COL25A1: variants seen among roughly 807,000 people sequenced by gnomAD.
The protein encoded by COL25A1 is collagen alpha-1(XXV) chain.
Under a neutral mutation model 128.4 loss-of-function variants are expected in COL25A1, and 103 were observed. The ratio of observed to expected loss-of-function variants is 0.80; its 90% CI spans 0.68 to 0.94. The LOEUF is 0.94. Among genes scored for constraint, COL25A1 ranks in the 40% least tolerant of loss-of-function variants. The pLI is 0.00. For synonymous variants in COL25A1, 279 were observed against 277.2 expected (o/e 1.01, Z -0.06); for missense variants, 745 against 840.0 (o/e 0.89, Z 1.40).
intron 5 of COL25A1, among the ~76,000 whole-genome samples, chr4:109,040,565 T>A (rs1376349174): frequency 6.6e-6 from 1 of 152,220 alleles, no homozygotes; most frequent in African/African-American, 2.4e-5. Flanking sequence ...AGTTATTGCC[T>A]CACAAACCAG....
At chr4:108,920,547 T>C (rs748360213) in intron 12 of COL25A1, 31 bp downstream of exon 12, 1 of 1,572,412 alleles carries the variant, frequency 6.4e-7, no homozygotes. Context: ...AGAGCATAAT[T>C]ACTTTCACAA....
Position 108,928,855 on chromosome 4 carries a change from A to G in COL25A1, c.709-8251T>C, listed in dbSNP as rs117653412. On this transcript the variant is annotated intron_variant, in intron 11 of 37. Coordinates refer to ENST00000399132, the MANE Select transcript of COL25A1 (RefSeq NM_198721.4). ...TGAGCCACAGAGCCTGGCCAACCTTAAATTTAAAGAGCCATATGTAGCTAA... is the reference window on the plus strand; with the variant it reads ...TGAGCCACAGAGCCTGGCCAACCTTGAATTTAAAGAGCCATATGTAGCTAA... Among the ~76,000 whole-genome samples the G allele has an allele frequency of 2.4e-3, 363 of 152,192 alleles. 5 individuals carry two copies. Among genetic ancestry groups the G allele is most frequent in the East Asian group, 0.011 (58 of 5,172 alleles).
chr4:108,987,928 TA>T (rs1302648783), intron 6 of COL25A1, among the ~76,000 whole-genome samples: 1 of 152,210 alleles, frequency 6.6e-6, no homozygotes, highest in Non-Finnish European at 1.5e-5. Context: ...TCTGAACTCC[TA>T]AAACACTTGT....
At position 109,019,371 on chromosome 4, in the gene COL25A1, C is replaced by CATATATAT. The variant is rs1183525991; in HGVS notation, c.421-8997_421-8996insATATATAT. On this transcript the variant is annotated intron_variant, in intron 5 of 37. Transcript: ENST00000399132. ...ACATACACACACACACACACACACA[C>CATATATAT]ACACATATATATATATATATATATA... is the stretch of plus-strand genomic sequence containing the variant. 8.1e-3 allele frequency among the ~76,000 whole-genome samples: 72 copies of CATATATAT among 8,912 alleles called. 1 individual carries two copies. The highest frequency in any genetic ancestry group is 0.01 in the African/African-American group (8 of 770). The allele number at this position is 8,912 out of a possible 152,430, so 5.8% of individuals were successfully genotyped here. A position where few individuals can be genotyped will look rare whatever the true frequency, so the allele number is the denominator to read the frequency against.
Position 108,876,593 on chromosome 4 carries a change from T to C in COL25A1, c.1021-7443A>G, listed in dbSNP as rs115917145. Among the ~76,000 whole-genome samples, 183 of 152,248 alleles carry C rather than the reference T, an allele frequency of 1.2e-3. 1 individual carries two copies. The highest frequency in any genetic ancestry group is 4.3e-3 in the African/African-American group (180 of 41,542). On this transcript the variant is annotated intron_variant, in intron 19 of 37. Coordinates refer to ENST00000399132, the MANE Select transcript of COL25A1 (RefSeq NM_198721.4). ...TTAATCAAAACCTGGGGATAAAATA[T>C]ATATAACATTATTTATCAGAACCCT... is the stretch of plus-strand genomic sequence containing the variant.
intron 13 of COL25A1, among the ~76,000 whole-genome samples, chr4:108,912,581 A>G (rs1744360346): frequency 6.6e-6 from 1 of 152,174 alleles, no homozygotes; most frequent in Non-Finnish European, 1.5e-5. Context: ...AATTAACTAG[A>G]AAACAAAAAC....
chr4:109,158,870 C>A (rs1400291658), intron 3 of COL25A1, among the ~76,000 whole-genome samples: 5 of 152,194 alleles, frequency 3.3e-5, no homozygotes, highest in Admixed American at 3.3e-4. Context: ...TTACCTTGCT[C>A]TCATTTAAGC....
At chr4:109,198,614 T>C (rs1367281925) in intron 3 of COL25A1, among the ~76,000 whole-genome samples, 1 of 152,180 alleles carries the variant, frequency 6.6e-6, no homozygotes, top group Non-Finnish European at 1.5e-5. Flanking sequence ...AACACCCTGA[T>C]TGCATTCTAT....
intron 6 of COL25A1, among the ~76,000 whole-genome samples, chr4:108,979,759 A>T (rs1752781506): frequency 6.6e-6 from 1 of 152,224 alleles, no homozygotes. Context: ...TTCTCTAAGA[A>T]TTTCTGGCTC....
chr4:108,879,530 C>A (rs928429266), intron 19 of COL25A1, among the ~76,000 whole-genome samples: 1 of 152,162 alleles, frequency 6.6e-6, no homozygotes, highest in Non-Finnish European at 1.5e-5. Context: ...TCACTGCAGC[C>A]TCCACCTCCC....
intron 4 of COL25A1, 87 bp downstream of exon 4, chr4:109,050,048 A>G: frequency 9.1e-7 from 1 of 1,100,044 alleles, no homozygotes; most frequent in Non-Finnish European, 1.4e-6. Context: ...ACCTCCAACA[A>G]GACAATATTA....
chr4:108,936,524 G>A (rs560546614), intron 11 of COL25A1, among the ~76,000 whole-genome samples: 7 of 152,142 alleles, frequency 4.6e-5, no homozygotes, highest in East Asian at 1.9e-4. Flanking sequence ...CCGAGATCGC[G>A]CCACTGCACT....
intron 3 of COL25A1, among the ~76,000 whole-genome samples, chr4:109,206,581 C>T (rs999321364): frequency 2.0e-5 from 3 of 152,144 alleles, no homozygotes; most frequent in African/African-American, 7.2e-5. Flanking sequence ...ATCTCTTGCA[C>T]CTGACAACAC....
intron 3 of COL25A1, among the ~76,000 whole-genome samples, chr4:109,208,979 G>T (rs1443396829): frequency 2.0e-5 from 3 of 152,150 alleles, no homozygotes; most frequent in Non-Finnish European, 2.9e-5. Context: ...ATAATTGAAT[G>T]AAATGTTTTA....
At chr4:108,969,171 T>A (rs1437503394) in intron 8 of COL25A1, among the ~76,000 whole-genome samples, 3 of 152,126 alleles carry the variant, frequency 2.0e-5, no homozygotes, top group Admixed American at 1.3e-4. Flanking sequence ...GCACTTGGGG[T>A]AAACCTTATT....
At chr4:108,891,055 T>G (rs532499620) in intron 16 of COL25A1, among the ~76,000 whole-genome samples, 2 of 152,334 alleles carry the variant, frequency 1.3e-5, no homozygotes, top group South Asian at 2.1e-4. Flanking sequence ...GACAGTTAGC[T>G]ACATGTGAGC....
chr4:109,210,895 T>C (rs916938398), intron 3 of COL25A1, among the ~76,000 whole-genome samples: 2 of 152,078 alleles, frequency 1.3e-5, no homozygotes, highest in Admixed American at 1.3e-4. Context: ...CTGGAGGCCA[T>C]TATCCTAAGC....
At chr4:109,071,122 G>A in intron 3 of COL25A1, among the ~76,000 whole-genome samples, 1 of 152,108 alleles carries the variant, frequency 6.6e-6, no homozygotes, top group Non-Finnish European at 1.5e-5. Flanking sequence ...GAACAGAACA[G>A]AGCCCTCAGA....
intron 3 of COL25A1, among the ~76,000 whole-genome samples, chr4:109,152,563 A>AT (rs1491537946): frequency 1.3e-5 from 2 of 152,212 alleles, no homozygotes; most frequent in Non-Finnish European, 2.9e-5. Context: ...TATGGCATTT[A>AT]AAAAACAAAA....
Sources: allele counts gnomAD v4.1 joint callset (sites outside exome capture counted in the v4.1 genomes callset), GRCh38; gene constraint gnomAD v4.1.1; transcripts MANE v1.5; gene names NCBI Gene and HGNC (gene_info 2026-07-23, HGNC 2026-07-21).